CAMKMT: variants seen among roughly 807,000 people sequenced by gnomAD.
CAMKMT encodes calmodulin-lysine N-methyltransferase.
A neutral mutation model predicts 48.0 loss-of-function variants in CAMKMT; 53 were observed. That is an observed-to-expected ratio of 1.10 (90% CI 0.89 to 1.39). The LOEUF is 1.39. Among genes scored for constraint, CAMKMT ranks in the 40% most tolerant of loss-of-function variants. The probability of loss-of-function intolerance (pLI) is 0.00; values close to 1 mark genes in which losing one functional copy is unlikely to be tolerated. For synonymous variants in CAMKMT, 165 were observed against 152.3 expected (o/e 1.08, Z -0.61); for missense variants, 428 against 402.7 (o/e 1.06, Z -0.54).
intron 3 of CAMKMT, among the ~76,000 whole-genome samples, chr2:44,547,827 C>G (rs2069612057): frequency 6.6e-6 from 1 of 152,090 alleles, no homozygotes; most frequent in Non-Finnish European, 1.5e-5. Context: ...CTCTAACGGC[C>G]TAAATTTGGT....
intron 3 of CAMKMT, among the ~76,000 whole-genome samples, chr2:44,658,377 GA>G (rs1330616840): frequency 6.6e-6 from 1 of 152,212 alleles, no homozygotes; most frequent in African/African-American, 2.4e-5. Context: ...ATAGTTGTAT[GA>G]AAAGGGGGCA....
chr2:44,561,116 C>G (rs918927081), intron 3 of CAMKMT, among the ~76,000 whole-genome samples: 3 of 152,070 alleles, frequency 2.0e-5, no homozygotes, highest in Non-Finnish European at 4.4e-5. Context: ...TTCTTATAAT[C>G]TTTATCATTT....
At position 44,446,614 on chromosome 2, in the gene CAMKMT, G is replaced by C. The variant is rs145227853; in HGVS notation, c.376+56309G>C. Reference sequence around the variant, plus strand: ...ACCCACCTCTGCCTCCCAAAGTGCTGGGATTACAGGCCGCGCCACTATGCC... The same window carrying C: ...ACCCACCTCTGCCTCCCAAAGTGCTCGGATTACAGGCCGCGCCACTATGCC... On this transcript the variant is annotated intron_variant, in intron 3 of 10. Coordinates refer to ENST00000378494, the MANE Select transcript of CAMKMT (RefSeq NM_024766.5). Among the ~76,000 whole-genome samples the C allele has an allele frequency of 9.8e-3, 1,498 of 152,282 alleles. 13 individuals are homozygous for C. Among genetic ancestry groups the C allele is most frequent in the Non-Finnish European group, 0.015 (1,052 of 68,016 alleles).
intron 3 of CAMKMT, among the ~76,000 whole-genome samples, chr2:44,596,734 C>T (rs1385592904): frequency 2.0e-5 from 3 of 151,550 alleles, no homozygotes; most frequent in African/African-American, 7.3e-5. Context: ...TCATCACAGA[C>T]CTACACCAGT....
At chr2:44,521,966 C>A (rs751000072) in intron 3 of CAMKMT, among the ~76,000 whole-genome samples, 2 of 151,706 alleles carry the variant, frequency 1.3e-5, no homozygotes, top group African/African-American at 4.8e-5. Flanking sequence ...TTATTAAGTA[C>A]ATTCACAGTT....
intron 3 of CAMKMT, among the ~76,000 whole-genome samples, chr2:44,677,241 A>G (rs1002805408): frequency 1.3e-5 from 2 of 152,226 alleles, no homozygotes; most frequent in Non-Finnish European, 2.9e-5. Flanking sequence ...GAGAGGCAGC[A>G]TGAGCTTATT....
At chr2:44,683,028 A>T (rs907934961) in intron 3 of CAMKMT, among the ~76,000 whole-genome samples, 1 of 152,166 alleles carries the variant, frequency 6.6e-6, no homozygotes, top group Non-Finnish European at 1.5e-5. Context: ...GCACACAATC[A>T]TTATAATTCT....
intron 3 of CAMKMT, among the ~76,000 whole-genome samples, chr2:44,475,705 A>G (rs1240236709): frequency 6.6e-6 from 1 of 152,236 alleles, no homozygotes; most frequent in African/African-American, 2.4e-5. Context: ...CAAAAGGCAG[A>G]GGACTGTTGG....
At chr2:44,406,737 T>C (rs1682807713) in intron 3 of CAMKMT, among the ~76,000 whole-genome samples, 1 of 152,068 alleles carries the variant, frequency 6.6e-6, no homozygotes, top group Non-Finnish European at 1.5e-5. Context: ...GCTGGGACTA[T>C]GGAAGCGCAC....
At chr2:44,619,951 G>GT (rs1303337645) in intron 3 of CAMKMT, among the ~76,000 whole-genome samples, 1 of 152,156 alleles carries the variant, frequency 6.6e-6, no homozygotes, top group African/African-American at 2.4e-5. Flanking sequence ...CCCAGTCCCA[G>GT]TAAGTGACAA....
At chr2:44,483,446 A>G (rs1206816232) in intron 3 of CAMKMT, among the ~76,000 whole-genome samples, 2 of 152,180 alleles carry the variant, frequency 1.3e-5, no homozygotes, top group Non-Finnish European at 2.9e-5. Flanking sequence ...TTAATGCAAT[A>G]TATTACACAT....
intron 6 of CAMKMT, among the ~76,000 whole-genome samples, chr2:44,714,878 T>G (rs1489902527): frequency 2.0e-5 from 3 of 152,152 alleles, no homozygotes; most frequent in Non-Finnish European, 4.4e-5. Context: ...TCTTCTCCTT[T>G]CGCTGTGCTC....
In CAMKMT at chr2:44,605,078, T is replaced by A. The variant is rs191500541; in HGVS notation, c.377-99205T>A. On this transcript the variant is annotated intron_variant, in intron 3 of 10. Coordinates refer to ENST00000378494, the MANE Select transcript of CAMKMT (RefSeq NM_024766.5). Reference sequence around the variant, plus strand: ...TCACCTTCTGTCTGTCTTCCAAAAATTCATGGTAATAATTCTGTTCTCTTC... The same window carrying A: ...TCACCTTCTGTCTGTCTTCCAAAAAATCATGGTAATAATTCTGTTCTCTTC... Among the ~76,000 whole-genome samples, 487 of 152,270 alleles carry A rather than the reference T, an allele frequency of 3.2e-3. 2 individuals are homozygous for A. Among genetic ancestry groups the A allele is most frequent in the African/African-American group, 0.011 (471 of 41,572 alleles).
intron 3 of CAMKMT, among the ~76,000 whole-genome samples, chr2:44,451,709 T>C (rs1044586156): frequency 6.6e-6 from 1 of 151,990 alleles, no homozygotes; most frequent in African/African-American, 2.4e-5. Flanking sequence ...AACAAAACTT[T>C]CTATTTTACG....
chr2:44,558,159 A>T (rs1354957908), intron 3 of CAMKMT, among the ~76,000 whole-genome samples: 1 of 151,998 alleles, frequency 6.6e-6, no homozygotes, highest in African/African-American at 2.4e-5. Flanking sequence ...GGCTCAAGTG[A>T]TCCTTCTGCC....
At chr2:44,633,593 A>G (rs1672961449) in intron 3 of CAMKMT, among the ~76,000 whole-genome samples, 2 of 151,958 alleles carry the variant, frequency 1.3e-5, no homozygotes, top group African/African-American at 2.4e-5. Context: ...TTTTACTCTA[A>G]GAGTTCATTT....
chr2:44,486,606 C>T (rs1013003948), intron 3 of CAMKMT, among the ~76,000 whole-genome samples: 2 of 152,156 alleles, frequency 1.3e-5, no homozygotes, highest in African/African-American at 2.4e-5. Context: ...GGTTCTTTAC[C>T]TACACAGGAT....
chr2:44,495,509 T>C (rs923999355), intron 3 of CAMKMT, among the ~76,000 whole-genome samples: 5 of 152,196 alleles, frequency 3.3e-5, no homozygotes, highest in African/African-American at 1.2e-4. Context: ...TTCATTGCAG[T>C]TTTGTAATAT....
At chr2:44,373,680 G>T (rs786612) in intron 2 of CAMKMT, among the ~76,000 whole-genome samples, 6 of 151,874 alleles carry the variant, frequency 4.0e-5, no homozygotes, top group Admixed American at 1.3e-4. Context: ...TTTCACAAAG[G>T]GTATCTTTTT....
Sources: gnomAD v4.1 joint callset for allele counts (sites outside exome capture counted in the v4.1 genomes callset) on GRCh38, gnomAD v4.1.1 for gene constraint, MANE v1.5 for transcripts, NCBI Gene and HGNC (gene_info 2026-07-23, HGNC 2026-07-21) for gene names.